Variants in MTREX observed in about 807,000 individuals in gnomAD.
MTREX encodes the protein Mtr4 exosome RNA helicase, also known as exosome RNA helicase MTR4.
A neutral mutation model predicts 135.4 loss-of-function variants in MTREX; 76 were observed. The ratio of observed to expected loss-of-function variants is 0.56; its 90% CI spans 0.47 to 0.68. The LOEUF is 0.68. Among genes scored for constraint, MTREX ranks in the 30% least tolerant of loss-of-function variants. The pLI, the probability that MTREX is intolerant of heterozygous loss-of-function variation, is 0.00. For missense variants in MTREX, 920 were observed against 1,262.1 expected (o/e 0.73, Z 4.11); for synonymous variants, 404 against 401.6 (o/e 1.01, Z -0.07).
At chr5:55,421,688 A>G (rs934599467) in intron 25 of MTREX, among the ~76,000 whole-genome samples, 2 of 152,200 alleles carry the variant, frequency 1.3e-5, no homozygotes, top group Admixed American at 6.5e-5. Context: ...AGTCAAAACA[A>G]TGTTTGAGAA....
chr5:55,405,362 T>C (rs918115409), intron 21 of MTREX, 63 bp from the exon 22 acceptor site: 4 of 1,378,550 alleles, frequency 2.9e-6, no homozygotes, highest in Non-Finnish European at 4.0e-6. Flanking sequence ...ATTTCATGAA[T>C]AAATCTCCTT....
chr5:55,424,841 C>A lies in MTREX; in HGVS notation c.*69C>A. 2 of 1,116,014 alleles carry A rather than the reference C, an allele frequency of 1.8e-6. No homozygotes were observed. Among genetic ancestry groups the A allele is most frequent in the Non-Finnish European group, 2.7e-6 (2 of 735,508 alleles). 69.1% of individuals were successfully genotyped at this position (1,116,014 alleles called of 1,614,324 possible). ...TTTGATTACAGTTGACTACAAATGC[C>A]TGCAAGTGTGGATTTGGTTCTCCCA... On this transcript the variant is annotated 3_prime_UTR_variant, in exon 27 of 27. Transcript: ENST00000230640.
intron 20 of MTREX, among the ~76,000 whole-genome samples, chr5:55,399,923 A>G (rs1279473181): frequency 6.6e-6 from 1 of 152,250 alleles, no homozygotes; most frequent in Non-Finnish European, 1.5e-5. Context: ...AGAAGTTACA[A>G]CAATGTAAAT....
chr5:55,407,653 A>G (rs996688870), intron 22 of MTREX, among the ~76,000 whole-genome samples: 43 of 152,172 alleles, frequency 2.8e-4, no homozygotes, highest in African/African-American at 9.2e-4. Flanking sequence ...GCTAATGTGT[A>G]TCCCTCATTA....
chr5:55,373,619 A>G (rs1750243026), intron 16 of MTREX, among the ~76,000 whole-genome samples: 1 of 152,180 alleles, frequency 6.6e-6, no homozygotes, highest in Non-Finnish European at 1.5e-5. Flanking sequence ...TTTGTGAGCT[A>G]CTCACACACA....
At chr5:55,327,881 T>C (rs1186404244) in intron 4 of MTREX, 103 bp downstream of exon 4, 5 of 848,598 alleles carry the variant, frequency 5.9e-6, no homozygotes, top group Middle Eastern at 2.6e-4. Context: ...AACATGTATA[T>C]GTATGTATCA....
Position 55,405,430 on chromosome 5 carries a change from A to C in MTREX, c.2487A>C (p.Ala829=). 2 of 1,612,288 alleles carry C rather than the reference A, an allele frequency of 1.2e-6. No homozygotes were observed. The highest frequency in any genetic ancestry group is 8.5e-7 in the Non-Finnish European group (1 of 1,178,520). Residue 829 remains alanine, a synonymous_variant, in exon 22 of 27, where the codon GCA becomes GCC. Coordinates refer to ENST00000230640, the MANE Select transcript of MTREX (RefSeq NM_015360.5). ...YTLCEKKAQI[A]IDIKSAKREL... is the part of the protein sequence containing the mutation. The stretch of plus-strand genomic sequence containing the variant: ...TATACTTTCATGTGCTTTAGATTGC[A>C]ATAGATATTAAATCTGCAAAGCGAG...
chr5:55,400,299 G>A lies in MTREX; in HGVS notation c.2359G>A (p.Asp787Asn). 1 of 1,613,200 alleles carries A rather than the reference G, an allele frequency of 6.2e-7. No homozygotes were observed. The highest frequency in any genetic ancestry group is 8.5e-7 in the Non-Finnish European group (1 of 1,179,538). Reference sequence around the variant, plus strand: ...CCCTATTGATGATATGGGCATTCAAGATCAAGGGCTGAAAAAAGTCATTCA... The same window carrying A: ...CCCTATTGATGATATGGGCATTCAAAATCAAGGGCTGAAAAAAGTCATTCA... Reference protein sequence around the residue: ...LDPIDDMGIQDQGLKKVIQKV... With the variant: ...LDPIDDMGIQNQGLKKVIQKV... The change falls in exon 21 of 27, where the codon GAT (aspartate) becomes AAT (asparagine). Residue 787 changes from aspartate (D) to asparagine (N), a missense_variant. By Grantham distance (23) the Asp-to-Asn change is conservative. This residue lies in a region of MTREX where 467 missense variants were observed against 589.7 expected (regional missense o/e 0.79). Transcript: ENST00000230640.
intron 3 of MTREX, among the ~76,000 whole-genome samples, chr5:55,326,622 C>G (rs770638613): frequency 1.3e-5 from 2 of 152,040 alleles, no homozygotes; most frequent in Non-Finnish European, 2.9e-5. Flanking sequence ...GTCACATTCC[C>G]CTTCCAGACT....
At position 55,344,560 on chromosome 5, in the gene MTREX, A is replaced by T; in HGVS notation, c.945A>T (p.Pro315=). ...TTTACACAGATTATCGGCCCACTCC[A>T]TTGCAACACTACATTTTTCCAGCAG... is the stretch of plus-strand genomic sequence containing the variant. ...HVIYTDYRPT[P]LQHYIFPAGG... The change falls in exon 9 of 27, where the codon CCA becomes CCT. Residue 315 remains proline, a synonymous_variant. Transcript: ENST00000230640. 6.2e-7 allele frequency: 1 copy of T among 1,612,434 alleles called. No individual in the cohort carries two copies. Among genetic ancestry groups the T allele is most frequent in the Non-Finnish European group, 8.5e-7 (1 of 1,178,852 alleles).
chr5:55,351,363 T>C (rs1749825481), intron 13 of MTREX, among the ~76,000 whole-genome samples: 2 of 152,076 alleles, frequency 1.3e-5, no homozygotes, highest in South Asian at 4.1e-4. Flanking sequence ...AGAAACCCCA[T>C]CTCTGCTAAA....
At position 55,371,032 on chromosome 5, in the gene MTREX, TTACTC is replaced by T. The variant is rs757013638; in HGVS notation, c.1810+4161_1810+4165del. Reference sequence around the variant, plus strand: ...CCATAAGAGTAGAGGTCCTTGGATTTTACTCTACCCTTACTGAAATGAAAAATGCA... The same window carrying T: ...CCATAAGAGTAGAGGTCCTTGGATTTTACCCTTACTGAAATGAAAAATGCA... On this transcript the variant is annotated intron_variant, in intron 16 of 26. Transcript: ENST00000230640. Among the ~76,000 whole-genome samples, 117 of 152,326 alleles carry T rather than the reference TTACTC, an allele frequency of 7.7e-4. 4 individuals are homozygous for T. Among genetic ancestry groups the T allele is most frequent in the Non-Finnish European group, 4.1e-4 (28 of 68,020 alleles).
At chr5:55,345,020 G>A (rs1254758583) in intron 9 of MTREX, 74 bp from the exon 10 acceptor site, 1 of 836,106 alleles carries the variant, frequency 1.2e-6, no homozygotes, top group African/African-American at 1.7e-5. Context: ...ATTTGGGGAA[G>A]CCTTATGTAT....
intron 20 of MTREX, 140 bp from the exon 21 acceptor site, chr5:55,400,088 ATAATT>A (rs960297846): frequency 3.9e-6 from 2 of 515,928 alleles, no homozygotes; most frequent in African/African-American, 3.8e-5. Context: ...AAAATGCCCT[ATAATT>A]TAAATTGGCA....
At chr5:55,421,815 ACTAC>A (rs554038862) in intron 25 of MTREX, among the ~76,000 whole-genome samples, 89 of 152,334 alleles carry the variant, frequency 5.8e-4, no homozygotes, top group African/African-American at 2.0e-3. Context: ...ATTTTGAGCC[ACTAC>A]CTAATTTAAT....
In MTREX at chr5:55,309,961, TAAG is replaced by T. The variant is rs1289006657; in HGVS notation, c.134+1817_134+1819del. Among the ~76,000 whole-genome samples the T allele has an allele frequency of 8.5e-5, 13 of 152,186 alleles. No homozygotes were observed. The East Asian group carries it at 2.1e-3, about 25-fold the overall frequency. ...GTTTGGGGAAGCTTTTCAGAGAAAATAAGAAAGGAGGACCAATTATTTTTATTT... is the reference window on the plus strand; with the variant it reads ...GTTTGGGGAAGCTTTTCAGAGAAAATAAAGGAGGACCAATTATTTTTATTT... On this transcript the variant is annotated intron_variant, in intron 1 of 26. Coordinates refer to ENST00000230640, the MANE Select transcript of MTREX (RefSeq NM_015360.5).
intron 12 of MTREX, among the ~76,000 whole-genome samples, chr5:55,350,167 G>T (rs2112068716): frequency 6.8e-6 from 1 of 146,234 alleles, no homozygotes; most frequent in South Asian, 2.2e-4. Flanking sequence ...TCTTTTAAAG[G>T]CCCCCCAGGT....
chr5:55,335,779 A>G (rs1749544654), intron 5 of MTREX, among the ~76,000 whole-genome samples: 1 of 152,238 alleles, frequency 6.6e-6, no homozygotes, highest in Admixed American at 6.5e-5. Context: ...TTGGCTTGTG[A>G]ATTTCCAACC....
chr5:55,368,030 GT>G (rs1395875993), intron 16 of MTREX, among the ~76,000 whole-genome samples: 1 of 152,194 alleles, frequency 6.6e-6, no homozygotes, highest in East Asian at 1.9e-4. Context: ...TAGATGTGGA[GT>G]TTTTGTAATA....
Sources: gnomAD v4.1 joint callset for allele counts (sites outside exome capture counted in the v4.1 genomes callset) on GRCh38, gnomAD v4.1.1 for gene constraint, gnomAD v4.1.1 regional missense constraint, MANE v1.5 for transcripts, NCBI Gene and HGNC (gene_info 2026-07-23, HGNC 2026-07-21) for gene names.